MACF1: variants seen among roughly 807,000 people sequenced by gnomAD.
MACF1 encodes the protein microtubule-actin cross-linking factor 1.
In MACF1, 193 loss-of-function variants were observed where a neutral mutation model predicts 854.8. The observed-to-expected ratio is 0.23, with a 90% confidence interval of 0.20 to 0.25. The LOEUF is 0.25. Among genes scored for constraint, MACF1 ranks in the 10% least tolerant of loss-of-function variants. The pLI is 1.00. For missense variants in MACF1, 7,722 were observed against 8,929.1 expected, an observed-to-expected ratio of 0.86 and a Z score of 5.45; for synonymous variants, 3,185 against 3,226.7, an observed-to-expected ratio of 0.99 and a Z score of 0.44.
chr1:39,296,819 G>T (rs553343522), intron 20 of MACF1, among the ~76,000 whole-genome samples: 12 of 103,732 alleles, frequency 1.2e-4, no homozygotes, highest in Non-Finnish European at 1.1e-4. Context: ...AGAAAGGAAG[G>T]AAGGAAGGAA....
In MACF1 at chr1:39,324,628, T is replaced by C; in HGVS notation, c.4390-18T>C. On this transcript the variant is annotated intron_variant, in intron 34 of 100. Coordinates refer to ENST00000564288, the MANE Select transcript of MACF1 (RefSeq NM_001394062.1). ...TTCTTGGGTTTTGAAGCTTTTTCTC[T>C]TTATTTCTACCATGTAGGTTCTGTC... 6.3e-7 allele frequency: 1 copy of C among 1,582,932 alleles called. No individual in the cohort carries two copies. The highest frequency in any genetic ancestry group is 8.6e-7 in the Non-Finnish European group (1 of 1,166,108).
Position 39,250,375 on chromosome 1 carries a change from T to G in MACF1, c.261+272T>G, listed in dbSNP as rs535852851. ...ATATCTGCATGTTTTTGCATTACTT[T>G]TTCTTTATTTTCTAGATACTAATAT... On this transcript the variant is annotated intron_variant, in intron 3 of 100. Coordinates refer to ENST00000564288, the MANE Select transcript of MACF1 (RefSeq NM_001394062.1). 5.3e-5 allele frequency among the ~76,000 whole-genome samples: 8 copies of G among 152,330 alleles called. No individual in the cohort carries two copies. The South Asian group carries it at 1.2e-3, about 24-fold the overall frequency.
At chr1:39,465,602 G>T (rs879577703) in intron 95 of MACF1, among the ~76,000 whole-genome samples, 1 of 151,924 alleles carries the variant, frequency 6.6e-6, no homozygotes, top group Non-Finnish European at 1.5e-5. Context: ...AATTGGCCGT[G>T]GCCTGAAGTA....
chr1:39,140,420 G>A (rs1643312361), intron 2 of MACF1, among the ~76,000 whole-genome samples: 1 of 152,104 alleles, frequency 6.6e-6, no homozygotes, highest in Admixed American at 6.5e-5. Flanking sequence ...CTTATTCTTT[G>A]TCTCTGACAT....
chr1:39,337,081 TA>T, intron 37 of MACF1, 100 bp from the exon 38 acceptor site: 3 of 1,107,126 alleles, frequency 2.7e-6, no homozygotes, highest in Non-Finnish European at 3.9e-6. Flanking sequence ...CTATGTGCAG[TA>T]AAAATTGCTT....
chr1:39,175,157 A>G (rs576246766), intron 2 of MACF1, among the ~76,000 whole-genome samples: 68 of 152,186 alleles, frequency 4.5e-4, no homozygotes, highest in African/African-American at 1.4e-3. Flanking sequence ...GCAAAGTAAA[A>G]TCTCATCTTC....
intron 1 of MACF1, among the ~76,000 whole-genome samples, chr1:39,213,474 G>A (rs534231304): frequency 6.6e-6 from 1 of 152,294 alleles, no homozygotes; most frequent in African/African-American, 2.4e-5. Context: ...TGGGATTACA[G>A]GCATGTGCCA....
chr1:39,263,771 CTTTT>C (rs11453750), intron 6 of MACF1, among the ~76,000 whole-genome samples: 1 of 100,166 alleles, frequency 1.0e-5, no homozygotes. Flanking sequence ...TTTCTTTTTT[CTTTT>C]TTTTTTTTTT....
At chr1:39,415,346 T>C (rs1433183966) in intron 58 of MACF1, among the ~76,000 whole-genome samples, 1 of 150,904 alleles carries the variant, frequency 6.6e-6, no homozygotes, top group Non-Finnish European at 1.5e-5. Flanking sequence ...TTTTTTTTTT[T>C]AGATGGAGTC....
intron 58 of MACF1, among the ~76,000 whole-genome samples, chr1:39,419,776 G>A (rs951016519): frequency 1.3e-5 from 2 of 151,214 alleles, no homozygotes. Flanking sequence ...GGGACTACAG[G>A]CGTGCGCCAC....
intron 57 of MACF1, 67 bp downstream of exon 57, chr1:39,385,996 G>T (rs1329235277): frequency 2.0e-6 from 3 of 1,493,126 alleles, no homozygotes; most frequent in East Asian, 4.5e-5. Context: ...AATGGGTTAG[G>T]AGTAGTCCCA....
intron 2 of MACF1, 89 bp downstream of exon 2, chr1:39,231,332 C>T: frequency 2.5e-6 from 3 of 1,215,892 alleles, no homozygotes. Flanking sequence ...GTTTAGATTG[C>T]TTGCTGTGTG....
intron 50 of MACF1, 68 bp from the exon 51 acceptor site, chr1:39,369,962 A>T: frequency 1.4e-6 from 2 of 1,419,950 alleles, no homozygotes; most frequent in South Asian, 1.3e-5. Context: ...CACAGAATGA[A>T]CTACTCTTAG....
intron 3 of MACF1, among the ~76,000 whole-genome samples, chr1:39,251,256 C>G (rs1181812386): frequency 6.6e-6 from 1 of 152,068 alleles, no homozygotes; most frequent in Non-Finnish European, 1.5e-5. Context: ...ATAGCCGGCA[C>G]ATTTAATTTC....
intron 2 of MACF1, among the ~76,000 whole-genome samples, chr1:39,159,508 T>G (rs936612400): frequency 6.6e-6 from 1 of 152,144 alleles, no homozygotes; most frequent in Non-Finnish European, 1.5e-5. Context: ...GGGCTATTTG[T>G]AAGCCCATTG....
rs1192045357 is a variant in MACF1, at chr1:39,393,181, TA to T, written c.15816+4539del. On this transcript the variant is annotated intron_variant, in intron 58 of 100. Coordinates refer to ENST00000564288, the MANE Select transcript of MACF1 (RefSeq NM_001394062.1). ...CCTAGAGTGACCTTCCTGGGAAGGGTAAAAAAAAAAAAAAAATATATATATA... is the reference window on the plus strand; with the variant it reads ...CCTAGAGTGACCTTCCTGGGAAGGGTAAAAAAAAAAAAAAATATATATATA... 6.2e-3 allele frequency among the ~76,000 whole-genome samples: 558 copies of T among 90,226 alleles called. 5 individuals carry two copies. Among genetic ancestry groups the T allele is most frequent in the South Asian group, 0.011 (30 of 2,732 alleles). The allele number at this position is 90,226 out of a possible 152,430, so 59.2% of individuals were successfully genotyped here.
chr1:39,388,726 C>G (rs1641894242), intron 58 of MACF1, 68 bp downstream of exon 58: 9 of 1,412,622 alleles, frequency 6.4e-6, no homozygotes. Context: ...GGAAACCAGT[C>G]AAGTATACAT....
intron 2 of MACF1, among the ~76,000 whole-genome samples, chr1:39,129,411 G>T (rs1160686722): frequency 6.6e-6 from 1 of 152,174 alleles, no homozygotes; most frequent in African/African-American, 2.4e-5. Context: ...CTTGGAACCA[G>T]CAGGCTAATT....
At chr1:39,187,904 T>TCTCTC (rs956120043) in intron 2 of MACF1, among the ~76,000 whole-genome samples, 2 of 12,954 alleles carry the variant, frequency 1.5e-4, no homozygotes, top group South Asian at 2.3e-3. Context: ...CTCTCTCTCC[T>TCTCTC]CTCTCCTTCC....
Sources: allele counts gnomAD v4.1 joint callset (sites outside exome capture counted in the v4.1 genomes callset), GRCh38; gene constraint gnomAD v4.1.1; transcripts MANE v1.5; gene names NCBI Gene and HGNC (gene_info 2026-07-23, HGNC 2026-07-21).